AP3S1: variants seen among roughly 807,000 people sequenced by gnomAD.
AP3S1 encodes adaptor related protein complex 3 subunit sigma 1.
AP3S1 carries 12 observed loss-of-function variants against 21.3 expected under a neutral mutation model. The observed-to-expected ratio is 0.56, with a 90% CI of 0.36 to 0.91. AP3S1 has a LOEUF of 0.91. AP3S1 is among the 40% of genes least tolerant of loss of function. The pLI is 0.01. For synonymous variants in AP3S1, 48 were observed against 78.4 expected (o/e 0.61, Z 2.05); for missense variants, 116 against 225.0 (o/e 0.52, Z 3.10).
At chr5:115,897,687 G>A (rs953450689) in intron 4 of AP3S1, among the ~76,000 whole-genome samples, 1 of 151,832 alleles carries the variant, frequency 6.6e-6, no homozygotes, top group Non-Finnish European at 1.5e-5. Context: ...AGCCTCCCGA[G>A]TAGCTGGGAC....
intron 1 of AP3S1, chr5:115,842,670 C>G (rs144189306): frequency 0.011 from 1,708 of 152,736 alleles, 13 homozygotes; most frequent in Middle Eastern, 0.017. Flanking sequence ...CGTTTGATAA[C>G]TGCACGTTCT....
chr5:115,852,954 T>C, intron 1 of AP3S1: 1 of 444,510 alleles, frequency 2.2e-6, no homozygotes. Flanking sequence ...AATTTTTCTG[T>C]GACCATATAT....
At chr5:115,843,964 A>C (rs1761861955) in intron 1 of AP3S1, among the ~76,000 whole-genome samples, 1 of 152,208 alleles carries the variant, frequency 6.6e-6, no homozygotes, top group African/African-American at 2.4e-5. Context: ...TATGAGTGAC[A>C]GTGCCACTGA....
chr5:115,861,470 T>G (rs1453235244), intron 1 of AP3S1, among the ~76,000 whole-genome samples: 1 of 152,196 alleles, frequency 6.6e-6, no homozygotes, highest in East Asian at 1.9e-4. Context: ...GGCTTGCACA[T>G]CTTTGGTTAA....
intron 1 of AP3S1, among the ~76,000 whole-genome samples, chr5:115,866,056 A>G (rs529330544): frequency 1.3e-5 from 2 of 152,260 alleles, no homozygotes; most frequent in Admixed American, 1.3e-4. Flanking sequence ...TCGGCCTCTC[A>G]GAGTGCTGGG....
chr5:115,894,707 A>G (rs1227258252), intron 3 of AP3S1, among the ~76,000 whole-genome samples: 1 of 152,224 alleles, frequency 6.6e-6, no homozygotes, highest in Non-Finnish European at 1.5e-5. Flanking sequence ...CATTAGATAT[A>G]GTAGGGACTT....
At chr5:115,896,340 A>G (rs992869472) in intron 4 of AP3S1, among the ~76,000 whole-genome samples, 1 of 152,340 alleles carries the variant, frequency 6.6e-6, no homozygotes, top group African/African-American at 2.4e-5. Flanking sequence ...AAATTAATTC[A>G]TTTTGGACAG....
At chr5:115,908,209 A>G (rs1205776420) in intron 5 of AP3S1, among the ~76,000 whole-genome samples, 1 of 152,172 alleles carries the variant, frequency 6.6e-6, no homozygotes, top group African/African-American at 2.4e-5. Context: ...TATAGAGAAT[A>G]CATAGTAGTC....
At chr5:115,852,089 A>C (rs1224594438) in intron 1 of AP3S1, among the ~76,000 whole-genome samples, 1 of 152,116 alleles carries the variant, frequency 6.6e-6, no homozygotes, top group African/African-American at 2.4e-5. Context: ...TTCTACTTCT[A>C]AGTGGAAGAT....
chr5:115,892,612 G>T (rs1354610052), intron 3 of AP3S1, among the ~76,000 whole-genome samples: 1 of 152,100 alleles, frequency 6.6e-6, no homozygotes, highest in Non-Finnish European at 1.5e-5. Context: ...CAAAACAGTT[G>T]AACTCATGGA....
chr5:115,882,712 T>C (rs1043710860), intron 3 of AP3S1, among the ~76,000 whole-genome samples: 6 of 152,172 alleles, frequency 3.9e-5, no homozygotes, highest in Non-Finnish European at 7.4e-5. Flanking sequence ...CTGTCTCTTA[T>C]CAGAGCTCGA....
At chr5:115,857,346 A>T (rs1373152865) in intron 1 of AP3S1, among the ~76,000 whole-genome samples, 2 of 152,202 alleles carry the variant, frequency 1.3e-5, no homozygotes, top group Non-Finnish European at 2.9e-5. Flanking sequence ...TAAGTGTATG[A>T]ACTCAGTTCT....
chr5:115,890,983 C>T (rs1750250514), intron 3 of AP3S1, among the ~76,000 whole-genome samples: 1 of 152,164 alleles, frequency 6.6e-6, no homozygotes, highest in African/African-American at 2.4e-5. Flanking sequence ...TAATTGCTTA[C>T]TCTGTGTTCA....
Position 115,893,511 on chromosome 5 carries a change from A to G in AP3S1, c.274-1576A>G, listed in dbSNP as rs1474523601. Reference sequence around the variant, plus strand: ...ACTATTAGTAGATTTGGGGAAGTCAAAGTTAGGCATGGATTTTCAACTGCC... The same window carrying G: ...ACTATTAGTAGATTTGGGGAAGTCAGAGTTAGGCATGGATTTTCAACTGCC... On this transcript the variant is annotated intron_variant, in intron 3 of 5. Transcript: ENST00000316788. Among the ~76,000 whole-genome samples, 7 of 152,310 alleles carry G rather than the reference A, an allele frequency of 4.6e-5. No homozygotes were observed. The East Asian group carries it at 7.7e-4, about 17-fold the overall frequency.
At chr5:115,853,635 G>C (rs1453665904) in intron 1 of AP3S1, among the ~76,000 whole-genome samples, 1 of 152,126 alleles carries the variant, frequency 6.6e-6, no homozygotes, top group Non-Finnish European at 1.5e-5. Flanking sequence ...GGTTAGTTTT[G>C]TGTATGGTGT....
intron 4 of AP3S1, among the ~76,000 whole-genome samples, chr5:115,896,645 G>A (rs1750775415): frequency 6.6e-6 from 1 of 152,104 alleles, no homozygotes; most frequent in South Asian, 2.1e-4. Context: ...CAGGTGTGGT[G>A]TTATGCATCT....
intron 1 of AP3S1, among the ~76,000 whole-genome samples, chr5:115,845,726 C>A (rs773247709): frequency 1.3e-5 from 2 of 151,286 alleles, no homozygotes; most frequent in African/African-American, 4.9e-5. Context: ...TGCAGCTACT[C>A]GCTCGAGGCT....
intron 5 of AP3S1, among the ~76,000 whole-genome samples, chr5:115,907,676 TAAA>T (rs1459331880): frequency 6.6e-6 from 1 of 152,174 alleles, no homozygotes; most frequent in Non-Finnish European, 1.5e-5. Context: ...AGTATTGAAT[TAAA>T]AACCCTGAAT....
At chr5:115,861,865 CT>C (rs113923492) in intron 1 of AP3S1, among the ~76,000 whole-genome samples, 1,144 of 110,596 alleles carry the variant, frequency 0.01, 8 homozygotes, top group South Asian at 0.019. Flanking sequence ...CTTTTCTTTT[CT>C]TTTTTTTTTT....
Sources: gnomAD v4.1 joint callset for allele counts (sites outside exome capture counted in the v4.1 genomes callset) on GRCh38, gnomAD v4.1.1 for gene constraint, MANE v1.5 for transcripts, NCBI Gene and HGNC (gene_info 2026-07-23, HGNC 2026-07-21) for gene names.